The following ITPR1 variants were observed in gnomAD, a reference collection of about 807,000 sequenced individuals.
The protein encoded by ITPR1 is inositol 1,4,5-trisphosphate receptor type 1, also known as inositol 1,4,5-trisphosphate-gated calcium channel ITPR1.
A neutral mutation model predicts 318.4 loss-of-function variants in ITPR1; 96 were observed. That is an observed-to-expected ratio of 0.30 (90% confidence interval 0.26 to 0.36). The LOEUF is 0.36. Ranked by LOEUF, ITPR1 falls within the 10% of genes least tolerant of loss-of-function variation. The pLI is 1.00. For missense variants in ITPR1, 2,440 were observed against 3,460.2 expected (o/e 0.71, Z 7.40); for synonymous variants, 1,312 against 1,289.9 (o/e 1.02, Z -0.37).
intron 55 of ITPR1, among the ~76,000 whole-genome samples, chr3:4,808,601 T>C (rs1048896043): frequency 3.3e-5 from 5 of 152,238 alleles, no homozygotes; most frequent in Admixed American, 1.3e-4. Flanking sequence ...GGACCTTGAC[T>C]TGTTTGTGTC....
chr3:4,700,048 A>T, intron 35 of ITPR1, 107 bp downstream of exon 35: 1 of 947,116 alleles, frequency 1.1e-6, no homozygotes, highest in Non-Finnish European at 1.6e-6. Flanking sequence ...TCTGCAAGGC[A>T]TTAATACAAG....
At chr3:4,843,109 T>C (rs896492374) in intron 61 of ITPR1, among the ~76,000 whole-genome samples, 6 of 129,922 alleles carry the variant, frequency 4.6e-5, no homozygotes, top group Non-Finnish European at 9.4e-5. Context: ...TCTCTTGTAA[T>C]TGGATGATGA....
rs139533087 is a variant in ITPR1, at chr3:4,551,613, G to A, written c.163+30519G>A. Among the ~76,000 whole-genome samples, 13 of 152,284 alleles carry A rather than the reference G, an allele frequency of 8.5e-5. No homozygotes were observed. In the East Asian group the frequency reaches 2.5e-3, roughly 29 times the overall value. ...ACAACAGAGCTCACCCCTGGCCTTG[G>A]CCAGGGACTTAATGTTCATTCAGCA... On this transcript the variant is annotated intron_variant, in intron 4 of 61. Transcript: ENST00000649015.
At chr3:4,833,098 A>G (rs1225294328) in intron 60 of ITPR1, among the ~76,000 whole-genome samples, 2 of 152,232 alleles carry the variant, frequency 1.3e-5, no homozygotes, top group East Asian at 1.9e-4. Context: ...GCTCAACCCC[A>G]TGCAGGACAC....
chr3:4,608,344 C>T (rs1006420811), intron 4 of ITPR1, among the ~76,000 whole-genome samples: 2 of 152,070 alleles, frequency 1.3e-5, no homozygotes, highest in African/African-American at 4.8e-5. Context: ...GTGTAGAATT[C>T]CAGCCATCAA....
chr3:4,587,622 C>T (rs1023186314), intron 4 of ITPR1, among the ~76,000 whole-genome samples: 2 of 152,136 alleles, frequency 1.3e-5, no homozygotes, highest in Non-Finnish European at 2.9e-5. Flanking sequence ...TTTGACTGTA[C>T]TCTCTTACCC....
intron 12 of ITPR1, among the ~76,000 whole-genome samples, chr3:4,655,306 G>A (rs958032682): frequency 6.6e-6 from 1 of 152,138 alleles, no homozygotes; most frequent in Non-Finnish European, 1.5e-5. Context: ...CTTTCGGTGA[G>A]CGCTGATGTC....
At chr3:4,528,800 A>T (rs1023521661) in intron 4 of ITPR1, among the ~76,000 whole-genome samples, 4 of 152,234 alleles carry the variant, frequency 2.6e-5, no homozygotes, top group African/African-American at 9.6e-5. Flanking sequence ...GTCTCCTCCA[A>T]CTTGTTCTGT....
chr3:4,703,794 T>C (rs1166478521), intron 36 of ITPR1, among the ~76,000 whole-genome samples: 1 of 152,236 alleles, frequency 6.6e-6, no homozygotes, highest in Non-Finnish European at 1.5e-5. Context: ...CCAGTTCCTT[T>C]ACTCTCCTAT....
chr3:4,664,249 A>G (rs952299341), intron 16 of ITPR1, among the ~76,000 whole-genome samples: 21 of 152,328 alleles, frequency 1.4e-4, no homozygotes, highest in African/African-American at 5.1e-4. Flanking sequence ...CAGGAAATAC[A>G]TAGATGATAT....
chr3:4,774,086 C>T (rs1483317661), intron 46 of ITPR1, among the ~76,000 whole-genome samples: 2 of 152,228 alleles, frequency 1.3e-5, no homozygotes, highest in African/African-American at 4.8e-5. Context: ...TTGATTTACA[C>T]TGTATCCTCA....
chr3:4,648,923 T>C (rs11716369), intron 10 of ITPR1, among the ~76,000 whole-genome samples: 6,585 of 152,352 alleles, frequency 0.043, 184 homozygotes, highest in Non-Finnish European at 0.065. Context: ...ATAAAACTTG[T>C]TGTTTGCAAA....
intron 44 of ITPR1, 86 bp from the exon 45 acceptor site, chr3:4,766,444 T>G: frequency 8.7e-7 from 1 of 1,150,338 alleles, no homozygotes; most frequent in Non-Finnish European, 1.3e-6. Flanking sequence ...CAACTGGCTC[T>G]GATCTTCATT....
chr3:4,670,022 C>T (rs1190258668), intron 19 of ITPR1, among the ~76,000 whole-genome samples: 2 of 152,194 alleles, frequency 1.3e-5, no homozygotes, highest in Admixed American at 6.5e-5. Context: ...CACCGGGGAG[C>T]ATTTTATACA....
chr3:4,657,386 G>GTTTTTTTT (rs112693174), intron 12 of ITPR1, among the ~76,000 whole-genome samples: 9 of 133,226 alleles, frequency 6.8e-5, no homozygotes, highest in African/African-American at 2.7e-4. Context: ...TGTACCTAGA[G>GTTTTTTTT]TTTTTTTTTT....
At chr3:4,558,918 C>T (rs2086404209) in intron 4 of ITPR1, among the ~76,000 whole-genome samples, 1 of 152,014 alleles carries the variant, frequency 6.6e-6, no homozygotes, top group African/African-American at 2.4e-5. Context: ...GGAAAAAGGA[C>T]ATCTACTTAG....
At chr3:4,721,172 G>GTATATATATATATAGATATATA (rs2042132807) in intron 40 of ITPR1, among the ~76,000 whole-genome samples, 1 of 125,080 alleles carries the variant, frequency 8.0e-6, no homozygotes, top group African/African-American at 3.6e-5. Context: ...GTGTGTGCGT[G>GTATATATATATATAGATATATA]TATATATATA....
chr3:4,768,468 A>C (rs1392762446), intron 45 of ITPR1, 43 bp from the exon 46 acceptor site: 4 of 1,561,678 alleles, frequency 2.6e-6, no homozygotes, highest in African/African-American at 1.4e-5. Flanking sequence ...AATAGGGCCC[A>C]TGAGGACTCT....
At chr3:4,546,760 CT>C (rs11349589) in intron 4 of ITPR1, among the ~76,000 whole-genome samples, 29,462 of 138,052 alleles carry the variant, frequency 0.21, 3,206 homozygotes, top group East Asian at 0.3. Flanking sequence ...CAACTCTGAC[CT>C]TTTTTTTTTT....
Sources: allele counts gnomAD v4.1 joint callset (sites outside exome capture counted in the v4.1 genomes callset), GRCh38; gene constraint gnomAD v4.1.1; transcripts MANE v1.5; gene names NCBI Gene and HGNC (gene_info 2026-07-23, HGNC 2026-07-21).